The following ZC4H2 variants were observed in gnomAD, a reference collection of about 807,000 sequenced individuals.
ZC4H2 encodes zinc finger C4H2 domain-containing protein.
For synonymous variants in ZC4H2, 84 were observed against 66.3 expected (o/e 1.27, Z -1.30); for missense variants, 137 against 173.9 (o/e 0.79, Z 1.19).
intron 1 of ZC4H2, among the ~76,000 whole-genome samples, chrX:65,018,697 C>G (rs1381627670): frequency 1.8e-5 from 2 of 110,539 alleles, no homozygotes; most frequent in African/African-American, 6.6e-5. Context: ...CGTTCACTCC[C>G]CTGGAAAGGG....
At chrX:65,022,752 C>T (rs1444713691) in intron 1 of ZC4H2, among the ~76,000 whole-genome samples, 2 of 111,661 alleles carry the variant, frequency 1.8e-5, no homozygotes, top group African/African-American at 3.3e-5. Flanking sequence ...ATGTGAAGGA[C>T]GTCTTCAAGG....
chrX:64,935,444 G>A (rs1929959653), intron 1 of ZC4H2, among the ~76,000 whole-genome samples: 1 of 112,030 alleles, frequency 8.9e-6, no homozygotes, highest in African/African-American at 3.2e-5. Context: ...AGAGAGCAGT[G>A]GACCTCCCAG....
intron 1 of ZC4H2, among the ~76,000 whole-genome samples, chrX:64,959,667 GTGGCAACTATGGACAGTACATGT>G (rs990878535): frequency 1.6e-4 from 17 of 108,201 alleles, no homozygotes; most frequent in African/African-American, 5.1e-4. Flanking sequence ...TAAATACATG[GTGGCAACTATGGACAGTACATGT>G]TGGCAACCAT....
intron 1 of ZC4H2, among the ~76,000 whole-genome samples, chrX:64,934,935 G>GT (rs779205674): frequency 0.015 from 1,564 of 103,758 alleles, 26 homozygotes; most frequent in East Asian, 0.084. Context: ...TAGCTGCAGG[G>GT]TTTTTTTTTT....
chrX:65,010,933 C>A (rs1932750056), intron 1 of ZC4H2, among the ~76,000 whole-genome samples: 1 of 111,465 alleles, frequency 9.0e-6, no homozygotes, highest in Admixed American at 9.6e-5. Flanking sequence ...TTTGATTATA[C>A]CTGCATAAAC....
chrX:65,018,208 A>G (rs1261935128), intron 1 of ZC4H2, among the ~76,000 whole-genome samples: 1 of 112,807 alleles, frequency 8.9e-6, no homozygotes, highest in Admixed American at 9.4e-5. Context: ...AGCTGCCAAC[A>G]AACATGAAAA....
In ZC4H2 at chrX:64,955,841, C is replaced by T. The variant is rs183996884; in HGVS notation, c.53+20484G>A. On this transcript the variant is annotated intron_variant, in intron 1 of 4. Coordinates refer to ENST00000374839, the MANE Select transcript of ZC4H2 (RefSeq NM_018684.4). ...TACTTTGACAGATAAAAGACGAAGG[C>T]TCAATGTAGACAAGAAGCTTTAACG... 2.9e-3 allele frequency among the ~76,000 whole-genome samples: 330 copies of T among 111,916 alleles called. 1 individual carries two copies. The highest frequency in any genetic ancestry group is 5.3e-3 in the Non-Finnish European group (282 of 53,131).
intron 1 of ZC4H2, among the ~76,000 whole-genome samples, chrX:64,933,413 GGAT>G (rs1342250165): frequency 5.4e-5 from 6 of 111,527 alleles, no homozygotes; most frequent in African/African-American, 2.0e-4. Flanking sequence ...GATCTTTTCA[GGAT>G]GATTTAGAAC....
chrX:64,939,292 CACAA>C (rs1324947622), intron 1 of ZC4H2, among the ~76,000 whole-genome samples: 2 of 111,766 alleles, frequency 1.8e-5, no homozygotes, highest in Non-Finnish European at 3.8e-5. Flanking sequence ...TAAGAGAGGA[CACAA>C]ACAAATGGAA....
intron 1 of ZC4H2, among the ~76,000 whole-genome samples, chrX:65,002,223 A>C (rs1378153768): frequency 2.7e-5 from 3 of 112,461 alleles, no homozygotes; most frequent in Non-Finnish European, 5.6e-5. Context: ...CAAATGCAAA[A>C]GAATGGAAAT....
intron 1 of ZC4H2, among the ~76,000 whole-genome samples, chrX:64,945,803 G>A (rs1179032300): frequency 9.0e-6 from 1 of 111,148 alleles, no homozygotes; most frequent in Non-Finnish European, 1.9e-5. Context: ...TAGAGAGGCA[G>A]TCTGGCCACA....
rs1410427714 is a variant in ZC4H2 at position 64,952,087 on chromosome X, G to A, written c.53+24238C>T. Among the ~76,000 whole-genome samples the A allele has an allele frequency of 3.6e-5, 4 of 110,610 alleles. No homozygotes were observed. The Admixed American group carries it at 3.8e-4, about 11-fold the overall frequency. On this transcript the variant is annotated intron_variant, in intron 1 of 4. Transcript: ENST00000374839. ...TTTCCCCATTGCTTGTTTTTCTCAG[G>A]TTTGTCAAAGATCAGATAGTTGTAG...
At chrX:64,985,885 A>C (rs1213316296) in intron 1 of ZC4H2, among the ~76,000 whole-genome samples, 1 of 111,845 alleles carries the variant, frequency 8.9e-6, no homozygotes, top group Non-Finnish European at 1.9e-5. Flanking sequence ...TTACTTCCTC[A>C]GCTTATTTAA....
At chrX:64,975,387 A>C (rs1020312703) in intron 1 of ZC4H2, among the ~76,000 whole-genome samples, 7 of 111,610 alleles carry the variant, frequency 6.3e-5, no homozygotes, top group African/African-American at 2.0e-4. Flanking sequence ...AAATCTCATG[A>C]TCAAAGTCTT....
Position 64,976,410 on chromosome X carries a change from T to G in ZC4H2, c.-33A>C. ...ACTGTCAATTTCACGTCCCGAGAGA[T>G]GTACAAATACACCAGCCAAGGGATA... On this transcript the variant is annotated 5_prime_UTR_variant, in exon 1 of 5. Transcript: ENST00000374839. 8.4e-7 allele frequency: 1 copy of G among 1,193,401 alleles called. No individual in the cohort carries two copies. The highest frequency in any genetic ancestry group is 1.1e-6 in the Non-Finnish European group (1 of 879,020).
chrX:64,933,474 T>G (rs1389748296), intron 1 of ZC4H2, among the ~76,000 whole-genome samples: 4 of 111,789 alleles, frequency 3.6e-5, no homozygotes, highest in African/African-American at 1.3e-4. Context: ...CCTTCTCATT[T>G]GGGTAGACTA....
At chrX:64,953,363 C>T (rs1483723918) in intron 1 of ZC4H2, among the ~76,000 whole-genome samples, 1 of 112,043 alleles carries the variant, frequency 8.9e-6, no homozygotes, top group Admixed American at 9.5e-5. Flanking sequence ...GCAAAGGAAA[C>T]TACCATCAGA....
At chrX:65,020,748 A>C (rs1429537357) in intron 1 of ZC4H2, among the ~76,000 whole-genome samples, 1 of 111,976 alleles carries the variant, frequency 8.9e-6, no homozygotes, top group Non-Finnish European at 1.9e-5. Flanking sequence ...AAACTGGATA[A>C]AGAGTCAAGT....
chrX:64,993,134 CT>C (rs1009363835), intron 1 of ZC4H2, among the ~76,000 whole-genome samples: 2 of 112,290 alleles, frequency 1.8e-5, no homozygotes, highest in Non-Finnish European at 3.8e-5. Flanking sequence ...ACAACAAATA[CT>C]TTTTTTGTAC....
Sources: gnomAD v4.1 joint callset for allele counts (sites outside exome capture counted in the v4.1 genomes callset) on GRCh38, gnomAD v4.1.1 for gene constraint, MANE v1.5 for transcripts, NCBI Gene and HGNC (gene_info 2026-07-23, HGNC 2026-07-21) for gene names.